PMFBP1: variants seen among roughly 807,000 people sequenced by gnomAD.
PMFBP1 encodes polyamine modulated factor 1 binding protein 1, also known as polyamine-modulated factor 1-binding protein 1.
A neutral mutation model predicts 137.8 loss-of-function variants in PMFBP1; 131 were observed. The observed-to-expected ratio is 0.95, with a 90% CI of 0.82 to 1.10. PMFBP1 has a LOEUF of 1.10. PMFBP1 is among the 50% of genes least tolerant of loss of function. PMFBP1 has a pLI of 0.00. For missense variants in PMFBP1, 1,199 were observed against 1,175.4 expected (o/e 1.02, Z -0.29); for synonymous variants, 490 against 450.4 (o/e 1.09, Z -1.11).
rs541627224 is a variant in PMFBP1 at position 72,139,331 on chromosome 16, T to A, written c.876A>T (p.Arg292Ser). 2 of 1,614,060 alleles carry A rather than the reference T, an allele frequency of 1.2e-6. No homozygotes were observed. Among genetic ancestry groups the A allele is most frequent in the African/African-American group, 2.7e-5 (2 of 74,938 alleles). Residue 292 changes from arginine to serine, a missense_variant, in exon 7 of 21, where the codon AGA becomes AGT. Physicochemically the swap from Arg to Ser is moderately radical, Grantham distance 110. Coordinates refer to ENST00000237353, the MANE Select transcript of PMFBP1 (RefSeq NM_031293.3). ...ADFASCTATH[R>S]YPPSSSEECE... is the part of the protein sequence containing the mutation. ...ACTCTTCTGAGGAGCTAGGAGGGTATCTGTGGGTGGCTGTACAGGAAGCAA... is the reference window on the plus strand; with the variant it reads ...ACTCTTCTGAGGAGCTAGGAGGGTAACTGTGGGTGGCTGTACAGGAAGCAA...
chr16:72,223,853 A>G, the PMFBP1 span, among the ~76,000 whole-genome samples: 1 of 152,226 alleles, frequency 6.6e-6, no homozygotes, highest in Non-Finnish European at 1.5e-5. Flanking sequence ...TTGGAAAATT[A>G]CTAGCTAAGA....
At chr16:72,210,889 T>C in the PMFBP1 span, among the ~76,000 whole-genome samples, 1 of 152,128 alleles carries the variant, frequency 6.6e-6, no homozygotes. Flanking sequence ...TTTACTAAAA[T>C]GATCCAGTAG....
chr16:72,205,211 CTT>C, the PMFBP1 span, among the ~76,000 whole-genome samples: 1 of 152,254 alleles, frequency 6.6e-6, no homozygotes, highest in Non-Finnish European at 1.5e-5. Flanking sequence ...CTCAAATACT[CTT>C]TTCCCTAATT....
At chr16:72,180,312 T>C (rs1222661105), upstream of PMFBP1, among the ~76,000 whole-genome samples, 3 of 152,200 alleles carry the variant, frequency 2.0e-5, no homozygotes, top group African/African-American at 7.2e-5. Context: ...ACAGCTCTTG[T>C]AGATTGTAGT....
rs770609635 is a variant in PMFBP1 at position 72,136,581 on chromosome 16, AG to A, written c.1069del (p.Leu357CysfsTer41). ...AGATGTCTCCTCCCGCAGTCCGTGCAGGTCCAGCTCCAGCTTCATCATGTCT... is the reference window on the plus strand; with the variant it reads ...AGATGTCTCCTCCCGCAGTCCGTGCAGTCCAGCTCCAGCTTCATCATGTCT... ...MKDMMKLELD[L>X]HGLREETSAH... is the part of the protein sequence containing the mutation. On this transcript the variant is annotated frameshift_variant, in exon 9 of 21. Transcript: ENST00000237353. LOFTEE classifies it high-confidence loss of function. 3.1e-6 allele frequency: 5 copies of A among 1,614,076 alleles called. No homozygotes were observed. Among genetic ancestry groups the A allele is most frequent in the African/African-American group, 1.3e-5 (1 of 74,994 alleles).
the PMFBP1 span, among the ~76,000 whole-genome samples, chr16:72,224,095 A>G: frequency 2.0e-5 from 3 of 152,158 alleles, no homozygotes; most frequent in Non-Finnish European, 2.9e-5. Context: ...AAGCCAACCT[A>G]TTTCAAAAAT....
intron 5 of PMFBP1, among the ~76,000 whole-genome samples, chr16:72,143,322 G>C (rs2042751477): frequency 6.6e-6 from 1 of 152,206 alleles, no homozygotes; most frequent in African/African-American, 2.4e-5. Context: ...CGATAAGATG[G>C]AAAATAAGTT....
At chr16:72,164,709 A>G in intron 3 of PMFBP1, 55 bp downstream of exon 3, 1 of 1,539,202 alleles carries the variant, frequency 6.5e-7, no homozygotes, top group African/African-American at 1.4e-5. Flanking sequence ...CGCCCAAGGG[A>G]GCAGAGGCAG....
intron 5 of PMFBP1, among the ~76,000 whole-genome samples, chr16:72,146,489 A>C (rs958028829): frequency 1.3e-5 from 2 of 151,986 alleles, no homozygotes; most frequent in African/African-American, 4.8e-5. Context: ...CTCTCTCACC[A>C]CTCCTATTCG....
In PMFBP1 at chr16:72,119,245, A is replaced by G; in HGVS notation, c.*93T>C. 7.1e-7 allele frequency: 1 copy of G among 1,407,340 alleles called. No individual in the cohort carries two copies. Among genetic ancestry groups the G allele is most frequent in the Admixed American group, 1.7e-5 (1 of 58,504 alleles). The allele number at this position is 1,407,340 out of a possible 1,614,324, so 87.2% of individuals were successfully genotyped here. A position where few individuals can be genotyped will look rare whatever the true frequency, so the allele number is the denominator to read the frequency against. ...TGGGACCGTGATATACTCCTGTAAG[A>G]GCTGATCCAGGTCAAGAGAGAGGGA... On this transcript the variant is annotated 3_prime_UTR_variant, in exon 21 of 21. Coordinates refer to ENST00000237353, the MANE Select transcript of PMFBP1 (RefSeq NM_031293.3).
the PMFBP1 span, among the ~76,000 whole-genome samples, chr16:72,204,624 G>A: frequency 3.9e-4 from 59 of 152,308 alleles, no homozygotes; most frequent in South Asian, 0.012. Context: ...TCAGGTACAC[G>A]ATGACATTCC....
chr16:72,242,214 C>G, the PMFBP1 span, among the ~76,000 whole-genome samples: 20 of 152,222 alleles, frequency 1.3e-4, no homozygotes, highest in Non-Finnish European at 2.2e-4. Flanking sequence ...TGGGATCAGA[C>G]AGCAAGACAA....
the PMFBP1 span, among the ~76,000 whole-genome samples, chr16:72,240,176 G>C: frequency 6.6e-6 from 1 of 152,200 alleles, no homozygotes; most frequent in African/African-American, 2.4e-5. Context: ...CTGTGGCGCA[G>C]AGAACAAGGA....
At chr16:72,133,659 C>T (rs2042581969) in intron 9 of PMFBP1, among the ~76,000 whole-genome samples, 1 of 152,076 alleles carries the variant, frequency 6.6e-6, no homozygotes, top group Non-Finnish European at 1.5e-5. Flanking sequence ...CAGGAGAGGG[C>T]TCCCCTGCCA....
Position 72,119,185 on chromosome 16 carries a change from A to C in PMFBP1, c.*153T>G. ...CTCACTCCATGGCAGGAAGTGGACA[A>C]AACTCAACAAAAGTTAGTGTCTTGC... On this transcript the variant is annotated 3_prime_UTR_variant, in exon 21 of 21. Coordinates refer to ENST00000237353, the MANE Select transcript of PMFBP1 (RefSeq NM_031293.3). 1 of 838,668 alleles carries C rather than the reference A, an allele frequency of 1.2e-6. No individual in the cohort carries two copies. The highest frequency in any genetic ancestry group is 2.3e-5 in the Admixed American group (1 of 42,724). 52.0% of individuals were successfully genotyped at this position (838,668 alleles called of 1,614,324 possible).
At chr16:72,134,548 T>A (rs1160612714) in intron 9 of PMFBP1, among the ~76,000 whole-genome samples, 2 of 152,148 alleles carry the variant, frequency 1.3e-5, no homozygotes, top group African/African-American at 4.8e-5. Flanking sequence ...TCCACTGGCT[T>A]CCATCTCTTA....
chr16:72,218,988 AAATT>A, the PMFBP1 span, among the ~76,000 whole-genome samples: 2 of 152,362 alleles, frequency 1.3e-5, no homozygotes, highest in East Asian at 1.9e-4. Flanking sequence ...GATCTTTAAA[AAATT>A]AATTAAGTAA....
At chr16:72,133,059 G>A in intron 9 of PMFBP1, 68 bp from the exon 10 acceptor site, 1 of 1,569,426 alleles carries the variant, frequency 6.4e-7, no homozygotes, top group East Asian at 2.2e-5. Flanking sequence ...ATGAGAGGTT[G>A]TCTCAAGCCC....
chr16:72,246,442 A>G, the PMFBP1 span, among the ~76,000 whole-genome samples: 1 of 152,092 alleles, frequency 6.6e-6, no homozygotes, highest in Non-Finnish European at 1.5e-5. Flanking sequence ...AGACACCTGG[A>G]CAAGGCACAT....
Sources: gnomAD v4.1 joint callset for allele counts (sites outside exome capture counted in the v4.1 genomes callset) on GRCh38, gnomAD v4.1.1 for gene constraint, MANE v1.5 for transcripts, NCBI Gene and HGNC (gene_info 2026-07-23, HGNC 2026-07-21) for gene names.